PDZD2: variants seen among roughly 807,000 people sequenced by gnomAD.
PDZD2 encodes PDZ domain containing 2.
PDZD2 carries 90 observed loss-of-function variants against 220.7 expected under a neutral mutation model. The observed-to-expected ratio is 0.41, with a 90% CI of 0.34 to 0.49. PDZD2 has a LOEUF of 0.49. Among genes scored for constraint, PDZD2 ranks in the 20% least tolerant of loss-of-function variants. The pLI, the probability that PDZD2 is intolerant of heterozygous loss-of-function variation, is 0.28. For missense variants in PDZD2, 3,174 were observed against 3,608.5 expected (o/e 0.88, Z 3.08); for synonymous variants, 1,375 against 1,450.5 (o/e 0.95, Z 1.18).
chr5:31,803,013 A>G (rs6875503), intron 2 of PDZD2, among the ~76,000 whole-genome samples: 34,161 of 151,122 alleles, frequency 0.23, 6,068 homozygotes, highest in East Asian at 0.53. Flanking sequence ...CACACCACAT[A>G]GGGCTACACA....
At chr5:31,807,558 G>A (rs944419073) in intron 2 of PDZD2, among the ~76,000 whole-genome samples, 11 of 152,192 alleles carry the variant, frequency 7.2e-5, no homozygotes, top group African/African-American at 2.4e-4. Flanking sequence ...GAGGGAGAGA[G>A]AAGAGCCTCA....
chr5:31,974,917 A>C (rs1581193667), intron 2 of PDZD2, among the ~76,000 whole-genome samples: 1 of 152,312 alleles, frequency 6.6e-6, no homozygotes, highest in African/African-American at 2.4e-5. Context: ...TCTCAGAAAC[A>C]AACAATAAAC....
At chr5:32,044,569 G>GA (rs1406928523) in intron 7 of PDZD2, among the ~76,000 whole-genome samples, 3 of 152,200 alleles carry the variant, frequency 2.0e-5, no homozygotes, top group African/African-American at 7.2e-5. Flanking sequence ...GGGATAATGG[G>GA]AAAAAAATTA....
At position 32,060,870 on chromosome 5, in the gene PDZD2, G is replaced by A. The variant is rs1025661703; in HGVS notation, c.2319-132G>A. The A allele has an allele frequency of 1.1e-5, 7 of 636,836 alleles. No homozygotes were observed. The African/African-American group carries it at 2.9e-4, about 26-fold the overall frequency. 39.4% of individuals were successfully genotyped at this position (636,836 alleles called of 1,614,324 possible). On this transcript the variant is annotated intron_variant, in intron 13 of 24. Transcript: ENST00000438447. ...GTTGCATTTTTACATGTATGCCAAC[G>A]GGAAAAGATATGAGCTTCTTTAAAG...
chr5:32,024,703 A>AG lies in PDZD2; in HGVS notation c.1408-12528_1408-12527insG, dbSNP rs558332850. Among the ~76,000 whole-genome samples, 42 of 140,278 alleles carry AG rather than the reference A, an allele frequency of 3.0e-4. 6 individuals are homozygous for AG. The highest frequency in any genetic ancestry group is 3.6e-3 in the Middle Eastern group (1 of 278). 92.0% of individuals were successfully genotyped at this position (140,278 alleles called of 152,430 possible). A position where few individuals can be genotyped will look rare whatever the true frequency, so the allele number is the denominator to read the frequency against. On this transcript the variant is annotated intron_variant, in intron 6 of 24. Transcript: ENST00000438447. ...ATCTCAAAAAAAAAAAGAAAGAAAAAAAAGAAAAGGAAAGAAAGAAACGTG... is the reference window on the plus strand; with the variant it reads ...ATCTCAAAAAAAAAAAGAAAGAAAAAGAAAGAAAAGGAAAGAAAGAAACGTG...
intron 14 of PDZD2, among the ~76,000 whole-genome samples, chr5:32,067,883 A>T (rs1343217031): frequency 6.6e-6 from 1 of 152,246 alleles, no homozygotes; most frequent in Admixed American, 6.5e-5. Context: ...AAAGCTTCAT[A>T]GTCATACTTG....
At position 31,683,981 on chromosome 5, in the gene PDZD2, T is replaced by A. The variant is rs73751829; in HGVS notation, c.-361+44544T>A. On this transcript the variant is annotated intron_variant, in intron 1 of 24. Transcript: ENST00000438447. ...CATAGACTCACCAGTATTTTTTTTT[T>A]AATTTTTGATCCATTTGGAAGTTAT... Among the ~76,000 whole-genome samples, 1,321 of 151,024 alleles carry A rather than the reference T, an allele frequency of 8.7e-3. 15 individuals are homozygous for A. Among genetic ancestry groups the A allele is most frequent in the African/African-American group, 0.03 (1,244 of 41,422 alleles).
At chr5:31,750,930 C>A (rs1185903233) in intron 1 of PDZD2, among the ~76,000 whole-genome samples, 1 of 152,116 alleles carries the variant, frequency 6.6e-6, no homozygotes, top group Non-Finnish European at 1.5e-5. Context: ...TGAAGGGATG[C>A]CATTTGGTGG....
chr5:31,867,302 C>T (rs1738316555), intron 2 of PDZD2, among the ~76,000 whole-genome samples: 1 of 152,214 alleles, frequency 6.6e-6, no homozygotes, highest in Admixed American at 6.5e-5. Context: ...GGGGGCTATC[C>T]AGACCAGCCC....
chr5:31,689,354 T>TATATATATATATATATATATATATATATA (rs1554063278), intron 1 of PDZD2, among the ~76,000 whole-genome samples: 1 of 27,236 alleles, frequency 3.7e-5, no homozygotes, highest in African/African-American at 2.6e-4. Context: ...TATATATATA[T>TATATATATATATATATATATATATATATA]TTTTTTTTTT....
At chr5:31,813,906 G>A (rs917768489) in intron 2 of PDZD2, among the ~76,000 whole-genome samples, 1 of 152,170 alleles carries the variant, frequency 6.6e-6, no homozygotes, top group African/African-American at 2.4e-5. Flanking sequence ...GGTGGCTCAT[G>A]CCTATAATCC....
intron 1 of PDZD2, among the ~76,000 whole-genome samples, chr5:31,707,538 G>C (rs900664068): frequency 1.3e-5 from 2 of 152,106 alleles, no homozygotes; most frequent in Non-Finnish European, 2.9e-5. Context: ...TCTGCAACAA[G>C]TCACCCAGTC....
chr5:31,791,949 G>A (rs571577149), intron 1 of PDZD2, among the ~76,000 whole-genome samples: 240 of 152,138 alleles, frequency 1.6e-3, no homozygotes, highest in Non-Finnish European at 3.1e-3. Flanking sequence ...GCGACTTAAC[G>A]ACACAGGGGT....
chr5:31,937,951 G>A (rs527891998), intron 2 of PDZD2, among the ~76,000 whole-genome samples: 1 of 152,360 alleles, frequency 6.6e-6, no homozygotes, highest in East Asian at 1.9e-4. Flanking sequence ...TGGCCTGGGA[G>A]CTAAGAATGT....
At chr5:31,984,947 C>T (rs1007380999) in intron 3 of PDZD2, among the ~76,000 whole-genome samples, 9 of 152,034 alleles carry the variant, frequency 5.9e-5, no homozygotes, top group African/African-American at 1.4e-4. Context: ...TTACAATAGC[C>T]CCTCTCTCAA....
Position 32,090,222 on chromosome 5 carries a change from C to T in PDZD2, c.6774C>T (p.Val2258=). Residue 2258 remains valine (V), a synonymous_variant, in exon 20 of 25, where the codon GTC becomes GTT. Coordinates refer to ENST00000438447, the MANE Select transcript of PDZD2 (RefSeq NM_178140.4). This position sits in a 1 kb window ranked among gnomAD's most constrained non-coding sequence, Gnocchi z 4.3. The part of the protein sequence containing the change: ...DSQVPVTSSV[V]PEAKASRGGL... ...AGGTCCCTGTGACAAGCAGTGTTGT[C>T]CCCGAGGCAAAGGCATCCAGAGGTG... is the stretch of plus-strand genomic sequence containing the variant. 4 of 1,614,100 alleles carry T rather than the reference C, an allele frequency of 2.5e-6. No individual in the cohort carries two copies. The highest frequency in any genetic ancestry group is 3.4e-6 in the Non-Finnish European group (4 of 1,179,972).
chr5:31,991,827 A>G (rs1665322214), intron 3 of PDZD2, among the ~76,000 whole-genome samples: 1 of 152,200 alleles, frequency 6.6e-6, no homozygotes, highest in African/African-American at 2.4e-5. Flanking sequence ...TCAGGAGTTC[A>G]AGACCAGCCT....
chr5:32,107,249 A>T (rs1744852681), intron 24 of PDZD2: 1 of 152,228 alleles, frequency 6.6e-6, no homozygotes, highest in South Asian at 2.1e-4. Context: ...TAATGTGAAC[A>T]TGCTAAACTC....
At chr5:32,012,916 T>C (rs1044327249) in intron 6 of PDZD2, among the ~76,000 whole-genome samples, 2 of 152,006 alleles carry the variant, frequency 1.3e-5, no homozygotes, top group African/African-American at 4.8e-5. Context: ...AAATTATGCA[T>C]AATTCATATG....
Sources: gnomAD v4.1 joint callset for allele counts (sites outside exome capture counted in the v4.1 genomes callset) on GRCh38, gnomAD v4.1.1 for gene constraint, Gnocchi (gnomAD v3.1) non-coding constraint, MANE v1.5 for transcripts, NCBI Gene and HGNC (gene_info 2026-07-23, HGNC 2026-07-21) for gene names.